MAP3K9: variants seen among roughly 807,000 people sequenced by gnomAD.
The protein encoded by MAP3K9 is mitogen-activated protein kinase kinase kinase 9, also known as mixed lineage kinase 1 (tyr and ser/thr specificity).
Under a neutral mutation model 95.8 loss-of-function variants are expected in MAP3K9, and 46 were observed. The observed-to-expected ratio is 0.48, with a 90% CI of 0.38 to 0.61. The LOEUF is 0.61. Among genes scored for constraint, MAP3K9 ranks in the 20% least tolerant of loss-of-function variants. The pLI is 0.00. For synonymous variants in MAP3K9, 533 were observed against 593.8 expected (o/e 0.90, Z 1.49); for missense variants, 1,296 against 1,474.3 (o/e 0.88, Z 1.98).
chr14:70,766,868 C>A (rs1053079406), intron 2 of MAP3K9, among the ~76,000 whole-genome samples: 1 of 152,190 alleles, frequency 6.6e-6, no homozygotes, highest in Non-Finnish European at 1.5e-5. Flanking sequence ...GTCTACCCTG[C>A]ACTTCTTTTT....
chr14:70,754,227 G>GATAAAC (rs2054268437), intron 3 of MAP3K9, among the ~76,000 whole-genome samples: 1 of 152,034 alleles, frequency 6.6e-6, no homozygotes, highest in Non-Finnish European at 1.5e-5. Context: ...TATATACATT[G>GATAAAC]ATAAACTTAT....
chr14:70,775,930 T>A (rs890891277), intron 2 of MAP3K9, among the ~76,000 whole-genome samples: 7 of 152,222 alleles, frequency 4.6e-5, no homozygotes, highest in Non-Finnish European at 1.0e-4. Flanking sequence ...GGCTCAAGCC[T>A]GTAATCCGAG....
chr14:70,793,072 C>T (rs1246073332), intron 2 of MAP3K9, among the ~76,000 whole-genome samples: 3 of 152,162 alleles, frequency 2.0e-5, no homozygotes, highest in Admixed American at 6.5e-5. Context: ...CCATGAGGAG[C>T]GTGACAGGCA....
intron 2 of MAP3K9, 114 bp from the exon 3 acceptor site, chr14:70,761,296 GC>G (rs758997413): frequency 4.6e-4 from 374 of 806,896 alleles, no homozygotes; most frequent in Non-Finnish European, 6.6e-4. Context: ...CCAGCATTTA[GC>G]TGCCATGGAT....
At chr14:70,795,396 C>T (rs2054853468) in intron 2 of MAP3K9, among the ~76,000 whole-genome samples, 1 of 152,028 alleles carries the variant, frequency 6.6e-6, no homozygotes, top group South Asian at 2.1e-4. Context: ...GCAGCCTCAA[C>T]TTTCCAGGCT....
intron 2 of MAP3K9, among the ~76,000 whole-genome samples, chr14:70,779,972 T>C (rs1388993265): frequency 6.6e-6 from 1 of 152,230 alleles, no homozygotes; most frequent in Non-Finnish European, 1.5e-5. Context: ...TGGGGCTGGC[T>C]AGTGTCTTGA....
Position 70,809,186 on chromosome 14 carries a change from A to G in MAP3K9, c.-15T>C. 1 of 1,326,778 alleles carries G rather than the reference A, an allele frequency of 7.5e-7. No homozygotes were observed. Among genetic ancestry groups the G allele is most frequent in the South Asian group, 2.1e-5 (1 of 47,076 alleles). 82.2% of individuals were successfully genotyped at this position (1,326,778 alleles called of 1,614,324 possible). ...GAGGGCTCCATGGAGCGGCCGATCC[A>G]TAGGGTGCGGGGCCGCCGCCGCCCG... On this transcript the variant is annotated 5_prime_UTR_variant, in exon 1 of 12. The change abolishes an upstream ATG in the 5' untranslated region. Coordinates refer to ENST00000554752, the MANE Select transcript of MAP3K9 (RefSeq NM_001284230.2).
chr14:70,785,901 C>T (rs61990481), intron 2 of MAP3K9, among the ~76,000 whole-genome samples: 34,615 of 152,036 alleles, frequency 0.23, 4,245 homozygotes, highest in South Asian at 0.38. Context: ...TATTTCTGGA[C>T]CACAGTTGAC....
intron 2 of MAP3K9, among the ~76,000 whole-genome samples, chr14:70,790,879 T>A (rs1052444032): frequency 6.6e-6 from 1 of 152,142 alleles, no homozygotes; most frequent in African/African-American, 2.4e-5. Flanking sequence ...CTGAGCTACA[T>A]CATCGAAACA....
chr14:70,777,765 T>C (rs1446258199), intron 2 of MAP3K9, among the ~76,000 whole-genome samples: 1 of 152,190 alleles, frequency 6.6e-6, no homozygotes, highest in African/African-American at 2.4e-5. Context: ...GTCCACCTAG[T>C]TCTCTGCGAA....
intron 2 of MAP3K9, among the ~76,000 whole-genome samples, chr14:70,798,843 T>C (rs1303658355): frequency 2.0e-5 from 3 of 152,096 alleles, no homozygotes; most frequent in Admixed American, 6.5e-5. Flanking sequence ...AAAATCATCA[T>C]GATAAAGAGA....
intron 2 of MAP3K9, among the ~76,000 whole-genome samples, chr14:70,793,194 G>A (rs1407349584): frequency 6.6e-6 from 1 of 152,376 alleles, no homozygotes; most frequent in Non-Finnish European, 1.5e-5. Flanking sequence ...GCCGGCAACT[G>A]GCTACAGTGG....
At position 70,738,032 on chromosome 14, in the gene MAP3K9, T is replaced by C. The variant is rs540463197; in HGVS notation, c.1844+213A>G. Among the ~76,000 whole-genome samples, 54 of 152,296 alleles carry C rather than the reference T, an allele frequency of 3.5e-4. 4 individuals are homozygous for C. The Middle Eastern group carries it at 0.054, about 153-fold the overall frequency. The stretch of plus-strand genomic sequence containing the variant: ...GGAATCACAAGGCCTAAAATATGTA[T>C]TATCTGGCTCTTTATGGAAAAAGTT... On this transcript the variant is annotated intron_variant, in intron 8 of 11. Transcript: ENST00000554752.
rs1209213820 is a variant in MAP3K9 at position 70,723,638 on chromosome 14, T to C, written c.*6742A>G. The C allele has an allele frequency of 6.6e-6, 1 of 152,206 alleles. No individual in the cohort carries two copies. Among genetic ancestry groups the C allele is most frequent in the African/African-American group, 2.4e-5 (1 of 41,462 alleles). 9.4% of individuals were successfully genotyped at this position (152,206 alleles called of 1,614,324 possible). ...CCAAGCAGATCAGCAACTTGCTTCC[T>C]AGCTGTGTGACCCTGGGCAAATTAC... On this transcript the variant is annotated 3_prime_UTR_variant, in exon 12 of 12. Transcript: ENST00000554752.
chr14:70,767,779 A>G (rs932125983), intron 2 of MAP3K9, among the ~76,000 whole-genome samples: 2 of 152,198 alleles, frequency 1.3e-5, no homozygotes, highest in Admixed American at 6.5e-5. Context: ...ACCTTGAACT[A>G]CTGGGCTCAA....
chr14:70,800,554 A>C, intron 2 of MAP3K9, 113 bp downstream of exon 2: 1 of 1,069,998 alleles, frequency 9.3e-7, no homozygotes, highest in Non-Finnish European at 1.4e-6. Flanking sequence ...AATGTGTTTA[A>C]GCAAGGAGTT....
At chr14:70,762,031 T>A (rs1296335189) in intron 2 of MAP3K9, among the ~76,000 whole-genome samples, 1 of 152,220 alleles carries the variant, frequency 6.6e-6, no homozygotes, top group East Asian at 1.9e-4. Flanking sequence ...ACCTGCTTAT[T>A]TCACTGAACA....
chr14:70,809,191 G>C lies in MAP3K9; in HGVS notation c.-20C>G. On this transcript the variant is annotated 5_prime_UTR_variant, in exon 1 of 12. Coordinates refer to ENST00000554752, the MANE Select transcript of MAP3K9 (RefSeq NM_001284230.2). ...CTCCATGGAGCGGCCGATCCATAGG[G>C]TGCGGGGCCGCCGCCGCCCGCAGGA... is the stretch of plus-strand genomic sequence containing the variant. 1.5e-6 allele frequency: 2 copies of C among 1,298,622 alleles called. No homozygotes were observed. The highest frequency in any genetic ancestry group is 1.9e-6 in the Non-Finnish European group (2 of 1,029,908). 80.4% of individuals were successfully genotyped at this position (1,298,622 alleles called of 1,614,324 possible).
intron 7 of MAP3K9, 137 bp from the exon 8 acceptor site, chr14:70,738,535 A>G: frequency 1.4e-6 from 1 of 693,366 alleles, no homozygotes; most frequent in African/African-American, 1.8e-5. Context: ...TCTGTGCCCA[A>G]GTGGACCCTT....
Sources: gnomAD v4.1 joint callset for allele counts (sites outside exome capture counted in the v4.1 genomes callset) on GRCh38, gnomAD v4.1.1 for gene constraint, MANE v1.5 for transcripts, NCBI Gene and HGNC (gene_info 2026-07-23, HGNC 2026-07-21) for gene names.